The following PCDH15 variants were observed in gnomAD, a reference collection of about 807,000 sequenced individuals.
PCDH15 encodes the protein protocadherin-15.
A neutral mutation model predicts 178.5 loss-of-function variants in PCDH15; 129 were observed. The ratio of observed to expected loss-of-function variants is 0.72; its 90% CI spans 0.63 to 0.84. The LOEUF is 0.84. Ranked by LOEUF, PCDH15 falls within the 40% of genes least tolerant of loss-of-function variation. The pLI, the probability that PCDH15 is intolerant of heterozygous loss-of-function variation, is 0.00. For missense variants in PCDH15, 2,230 were observed against 2,099.9 expected (o/e 1.06, Z -1.21); for synonymous variants, 800 against 732.0 (o/e 1.09, Z -1.50).
intron 9 of PCDH15, among the ~76,000 whole-genome samples, chr10:54,228,162 A>T (rs1039951441): frequency 2.6e-5 from 4 of 152,046 alleles, no homozygotes; most frequent in African/African-American, 9.7e-5. Flanking sequence ...TCATTTTCAC[A>T]CAGCTGATAA....
chr10:54,722,081 C>T (rs11004500), intron 1 of PCDH15, among the ~76,000 whole-genome samples: 18,884 of 151,614 alleles, frequency 0.12, 1,322 homozygotes, highest in African/African-American at 0.18. Flanking sequence ...TCAATAAATA[C>T]GGTTTACCAC....
chr10:54,578,723 TC>T (rs751773874), intron 2 of PCDH15, among the ~76,000 whole-genome samples: 19 of 152,040 alleles, frequency 1.2e-4, no homozygotes, highest in Non-Finnish European at 2.6e-4. Context: ...TTAAATCTGC[TC>T]CTCCTTTCCA....
At chr10:55,453,181 T>C (rs1186715311) in intron 2 of PCDH15, among the ~76,000 whole-genome samples, 1 of 152,178 alleles carries the variant, frequency 6.6e-6, no homozygotes, top group Non-Finnish European at 1.5e-5. Flanking sequence ...GTGCTTTCAG[T>C]CTGCTTTTCC....
At position 54,535,688 on chromosome 10, in the gene PCDH15, A is replaced by T. The variant is rs749738842; in HGVS notation, c.92-7811T>A. Among the ~76,000 whole-genome samples the T allele has an allele frequency of 4.0e-4, 56 of 138,738 alleles. 1 individual carries two copies. The highest frequency in any genetic ancestry group is 4.8e-4 in the Non-Finnish European group (31 of 64,918). The allele number at this position is 138,738 out of a possible 152,430, so 91.0% of individuals were successfully genotyped here. A position where few individuals can be genotyped will look rare whatever the true frequency, so the allele number is the denominator to read the frequency against. On this transcript the variant is annotated intron_variant, in intron 2 of 37. Transcript: ENST00000644397. ...TGGTGCCACTGCACTCCAGCCTGGC[A>T]GACAGAGCGAGACTCCACCTCAAAA...
chr10:54,477,514 C>T (rs1384943579), intron 3 of PCDH15, among the ~76,000 whole-genome samples: 1 of 152,226 alleles, frequency 6.6e-6, no homozygotes, highest in East Asian at 1.9e-4. Flanking sequence ...GTGTTTTGCA[C>T]ACAGAGTATG....
At chr10:55,318,753 G>A (rs1350169610) in intron 1 of PCDH15, among the ~76,000 whole-genome samples, 1 of 151,980 alleles carries the variant, frequency 6.6e-6, no homozygotes, top group Non-Finnish European at 1.5e-5. Flanking sequence ...CAAACTAAAG[G>A]CACTAAGTGC....
At chr10:54,991,749 CGACTT>C (rs1333489788) in intron 2 of PCDH15, among the ~76,000 whole-genome samples, 1 of 152,086 alleles carries the variant, frequency 6.6e-6, no homozygotes, top group African/African-American at 2.4e-5. Flanking sequence ...TAAAATCACT[CGACTT>C]ATTTATCAGT....
chr10:54,928,959 C>T (rs545756724), intron 2 of PCDH15, among the ~76,000 whole-genome samples: 2 of 152,240 alleles, frequency 1.3e-5, no homozygotes, highest in Non-Finnish European at 2.9e-5. Flanking sequence ...CTTCAGAATC[C>T]TTGATGGAAA....
chr10:54,662,931 C>T (rs963336100), intron 2 of PCDH15, among the ~76,000 whole-genome samples: 1 of 151,862 alleles, frequency 6.6e-6, no homozygotes, highest in African/African-American at 2.4e-5. Context: ...TTTTAAAAAT[C>T]ATTTTTAGGC....
chr10:55,540,087 T>C (rs577721613), intron 2 of PCDH15, among the ~76,000 whole-genome samples: 1 of 152,186 alleles, frequency 6.6e-6, no homozygotes, highest in South Asian at 2.1e-4. Flanking sequence ...CATGTATAAA[T>C]TACAGTAAAA....
chr10:55,129,918 T>C (rs930708496), intron 2 of PCDH15, among the ~76,000 whole-genome samples: 3 of 152,110 alleles, frequency 2.0e-5, no homozygotes, highest in Non-Finnish European at 2.9e-5. Context: ...AAATGTGAGG[T>C]ACATTCCTGG....
intron 2 of PCDH15, among the ~76,000 whole-genome samples, chr10:55,542,619 C>T (rs959975752): frequency 3.5e-5 from 5 of 144,650 alleles, no homozygotes; most frequent in Non-Finnish European, 7.7e-5. Flanking sequence ...ATGTATGTGT[C>T]TATATAGGTA....
chr10:54,279,554 C>A (rs2058552664), intron 8 of PCDH15, among the ~76,000 whole-genome samples: 1 of 151,618 alleles, frequency 6.6e-6, no homozygotes. Flanking sequence ...TGTTTCAACT[C>A]TACTCATTTG....
intron 29 of PCDH15, among the ~76,000 whole-genome samples, chr10:53,831,819 T>C (rs893376062): frequency 6.6e-6 from 1 of 152,162 alleles, no homozygotes; most frequent in Non-Finnish European, 1.5e-5. Context: ...TTAATATTAC[T>C]GTGTCAAAAT....
rs551467213 is a variant in PCDH15, at chr10:54,522,173, A to G, written c.157+5639T>C. Among the ~76,000 whole-genome samples the G allele has an allele frequency of 1.4e-3, 206 of 151,592 alleles. 1 individual carries two copies. Among genetic ancestry groups the G allele is most frequent in the African/African-American group, 4.7e-3 (193 of 41,412 alleles). ...ACACAGTTGTGAATTTGAATTTTTA[A>G]TTATGCGCTGCTATGACATTGAGTG... is the stretch of plus-strand genomic sequence containing the variant. On this transcript the variant is annotated intron_variant, in intron 3 of 37. Transcript: ENST00000644397.
At chr10:54,967,067 A>G (rs2131889994) in intron 2 of PCDH15, among the ~76,000 whole-genome samples, 1 of 152,270 alleles carries the variant, frequency 6.6e-6, no homozygotes, top group East Asian at 1.9e-4. Context: ...GTGATGAGTG[A>G]ATGTGAAGGC....
intron 1 of PCDH15, among the ~76,000 whole-genome samples, chr10:54,752,214 C>T (rs1368516719): frequency 2.6e-4 from 40 of 151,950 alleles, no homozygotes; most frequent in South Asian, 8.3e-4. Context: ...CGGTGGCTCA[C>T]GCCTGTAATC....
intron 3 of PCDH15, among the ~76,000 whole-genome samples, chr10:54,863,016 G>C (rs1050348804): frequency 2.0e-5 from 3 of 152,102 alleles, no homozygotes; most frequent in African/African-American, 7.2e-5. Flanking sequence ...AACACCTAAA[G>C]TATACCACTT....
At chr10:54,062,773 GA>G (rs5785035) in intron 18 of PCDH15, among the ~76,000 whole-genome samples, 106,856 of 149,738 alleles carry the variant, frequency 0.71, 38,183 homozygotes, top group Middle Eastern at 0.76. Context: ...GGAAAAGCGG[GA>G]AAAAAAAAAT....
Sources: gnomAD v4.1 joint callset for allele counts (sites outside exome capture counted in the v4.1 genomes callset) on GRCh38, gnomAD v4.1.1 for gene constraint, MANE v1.5 for transcripts, NCBI Gene and HGNC (gene_info 2026-07-23, HGNC 2026-07-21) for gene names.